The following MYOM1 variants were observed in gnomAD, a reference collection of about 807,000 sequenced individuals.
The protein encoded by MYOM1 is myomesin 1, also known as myomesin-1.
MYOM1 carries 164 observed loss-of-function variants against 205.3 expected under a neutral mutation model. That is an observed-to-expected ratio of 0.80 (90% CI 0.70 to 0.91). The LOEUF is 0.91. Ranked by LOEUF, MYOM1 falls within the 40% of genes least tolerant of loss-of-function variation. MYOM1 has a pLI of 0.00. For missense variants in MYOM1, 2,011 were observed against 2,127.3 expected (o/e 0.95, Z 1.08); for synonymous variants, 772 against 789.4 (o/e 0.98, Z 0.37).
Position 3,134,639 on chromosome 18 carries a change from G to T in MYOM1, c.2384+11C>A. On this transcript the variant is annotated intron_variant, in intron 16 of 37. Coordinates refer to ENST00000356443, the MANE Select transcript of MYOM1 (RefSeq NM_003803.4). The stretch of plus-strand genomic sequence containing the variant: ...AGGCCATTGCCCGCCCTGCACACCC[G>T]ACTGAGTTACCGTGAGCCCTTCACG... 1.2e-6 allele frequency: 2 copies of T among 1,603,518 alleles called. No individual in the cohort carries two copies. Among genetic ancestry groups the T allele is most frequent in the South Asian group, 2.2e-5 (2 of 90,280 alleles).
chr18:3,164,172 C>T lies in MYOM1; in HGVS notation c.1501+106G>A, dbSNP rs1049003864. ...GCACCCTGCCAGAATTTTGAAATGA[C>T]TCTTCCATCATTATGAAACATGTTT... On this transcript the variant is annotated intron_variant, in intron 10 of 37. Coordinates refer to ENST00000356443, the MANE Select transcript of MYOM1 (RefSeq NM_003803.4). 4.0e-6 allele frequency: 5 copies of T among 1,263,174 alleles called. No individual in the cohort carries two copies. In the African/African-American group the frequency reaches 7.5e-5, roughly 19 times the overall value. 78.2% of individuals were successfully genotyped at this position (1,263,174 alleles called of 1,614,324 possible).
chr18:3,093,146 C>G (rs896496333), intron 26 of MYOM1, among the ~76,000 whole-genome samples: 1 of 152,110 alleles, frequency 6.6e-6, no homozygotes, highest in African/African-American at 2.4e-5. Flanking sequence ...TGCATACTCT[C>G]CTAATATTCA....
Position 3,084,255 on chromosome 18 carries a change from C to A in MYOM1, c.4340-228G>T, listed in dbSNP as rs11081003. Among the ~76,000 whole-genome samples the A allele has an allele frequency of 0.68, 102,808 of 151,952 alleles. 36,423 individuals are homozygous for A. The highest frequency in any genetic ancestry group is 0.81 in the Admixed American group (12,336 of 15,264). On this transcript the variant is annotated intron_variant, in intron 31 of 37. Coordinates refer to ENST00000356443, the MANE Select transcript of MYOM1 (RefSeq NM_003803.4). ...ATTTTTTTTCCCTTGAATTCTTTGTCACAATCGCCATATTTACATTCTAGA... is the reference window on the plus strand; with the variant it reads ...ATTTTTTTTCCCTTGAATTCTTTGTAACAATCGCCATATTTACATTCTAGA...
chr18:3,110,329 C>G (rs1367444837), intron 22 of MYOM1, among the ~76,000 whole-genome samples: 1 of 152,144 alleles, frequency 6.6e-6, no homozygotes, highest in East Asian at 1.9e-4. Flanking sequence ...TAGTACTGAG[C>G]TGCCCTGGGT....
intron 9 of MYOM1, 113 bp from the exon 10 acceptor site, chr18:3,164,552 C>A (rs2080442097): frequency 5.8e-6 from 6 of 1,030,028 alleles, no homozygotes; most frequent in Admixed American, 5.8e-5. Flanking sequence ...AATTTAACTA[C>A]TAGAGGAAGT....
At chr18:3,172,634 T>C (rs960276987) in intron 8 of MYOM1, among the ~76,000 whole-genome samples, 1 of 152,064 alleles carries the variant, frequency 6.6e-6, no homozygotes, top group Non-Finnish European at 1.5e-5. Context: ...CTCAGCCTCC[T>C]GAGTAGCTGG....
rs571224442 is a variant in MYOM1 at position 3,140,279 on chromosome 18, C to T, written c.2025+1660G>A. 2.5e-3 allele frequency among the ~76,000 whole-genome samples: 382 copies of T among 151,776 alleles called. 2 individuals are homozygous for T. The highest frequency in any genetic ancestry group is 0.014 in the South Asian group (68 of 4,810). On this transcript the variant is annotated intron_variant, in intron 14 of 37. Coordinates refer to ENST00000356443, the MANE Select transcript of MYOM1 (RefSeq NM_003803.4). ...AAATTTAGCCAGGCGTGGTGGCTCA[C>T]GCCTGTAATCCCAGCTACTAGGGAG...
intron 10 of MYOM1, among the ~76,000 whole-genome samples, chr18:3,160,039 CCTCCTT>C (rs1386877779): frequency 6.7e-6 from 1 of 149,724 alleles, no homozygotes; most frequent in African/African-American, 2.5e-5. Flanking sequence ...TCCTCTTCCT[CCTCCTT>C]CTCCTCCTCC....
intron 14 of MYOM1, among the ~76,000 whole-genome samples, chr18:3,138,732 T>C (rs2080006533): frequency 6.6e-6 from 1 of 152,246 alleles, no homozygotes; most frequent in African/African-American, 2.4e-5. Context: ...GAAAACTTTA[T>C]AAGCCATTAT....
chr18:3,210,709 T>C lies in MYOM1; in HGVS notation c.290+4225A>G, dbSNP rs183010160. The stretch of plus-strand genomic sequence containing the variant: ...GGAAGCACAATGCAAAAACTACATA[T>C]TGATGCTTCAAGGAAAACCCGGTGG... On this transcript the variant is annotated intron_variant, in intron 2 of 37. Transcript: ENST00000356443. Among the ~76,000 whole-genome samples the C allele has an allele frequency of 3.2e-3, 488 of 152,254 alleles. 3 individuals are homozygous for C. The highest frequency in any genetic ancestry group is 0.024 in the Middle Eastern group (7 of 294).
At chr18:3,141,874 G>T in intron 14 of MYOM1, 65 bp downstream of exon 14, 1 of 1,597,330 alleles carries the variant, frequency 6.3e-7, no homozygotes. Context: ...TGGGAATTTA[G>T]CCTCCACTTT....
At chr18:3,075,286 A>G (rs992706151) in intron 36 of MYOM1, among the ~76,000 whole-genome samples, 168 bp downstream of exon 36, 9 of 152,168 alleles carry the variant, frequency 5.9e-5, no homozygotes, top group Non-Finnish European at 1.2e-4. Context: ...TTTCCTAGAT[A>G]TTCTTACTCA....
upstream of MYOM1, chr18:3,220,141 T>C (rs1212389884): frequency 2.6e-5 from 4 of 152,192 alleles, no homozygotes; most frequent in Non-Finnish European, 5.9e-5. Flanking sequence ...AAACCAAATA[T>C]AGGGTTTTTA....
intron 33 of MYOM1, among the ~76,000 whole-genome samples, chr18:3,081,777 A>C (rs2079089066): frequency 6.6e-6 from 1 of 152,238 alleles, no homozygotes; most frequent in Non-Finnish European, 1.5e-5. Context: ...CTACATTGGA[A>C]TTTTACTAAT....
At chr18:3,180,704 T>C (rs2080716825) in intron 5 of MYOM1, among the ~76,000 whole-genome samples, 1 of 152,180 alleles carries the variant, frequency 6.6e-6, no homozygotes, top group South Asian at 2.1e-4. Context: ...GTAATGTCTA[T>C]GAATTGCTAA....
In MYOM1 at chr18:3,071,837, C is replaced by T. The variant is rs781184954; in HGVS notation, c.4761G>A (p.Gly1587=). The T allele has an allele frequency of 3.1e-6, 5 of 1,600,888 alleles. No individual in the cohort carries two copies. The African/African-American group carries it at 5.4e-5, about 17-fold the overall frequency. ...CACAGGCAGGCTTCATGCTTACCTT[C>T]CCCTCCTGGATGGTGACCACGTCTG... is the stretch of plus-strand genomic sequence containing the variant. The part of the protein sequence containing the change: ...GLPDVVTIQE[G]KALNLTCNVW... Residue 1587 remains glycine (G), a synonymous_variant, in exon 37 of 38, where the codon GGG becomes GGA. Coordinates refer to ENST00000356443, the MANE Select transcript of MYOM1 (RefSeq NM_003803.4).
At position 3,152,014 on chromosome 18, in the gene MYOM1, C is replaced by T. The variant is rs2080230186; in HGVS notation, c.1644-121G>A. The T allele has an allele frequency of 3.0e-6, 3 of 991,046 alleles. No individual in the cohort carries two copies. The highest frequency in any genetic ancestry group is 3.6e-5 in the South Asian group (2 of 55,076). 61.4% of individuals were successfully genotyped at this position (991,046 alleles called of 1,614,324 possible). On this transcript the variant is annotated intron_variant, in intron 11 of 37. Transcript: ENST00000356443. This position sits in a 1 kb window ranked among gnomAD's most constrained non-coding sequence, Gnocchi z 4.3. ...CTCCCTATAAAATATCCAAGTCAGG[C>T]GTGGCTCGCTACCTGGTGAACTGCA...
At chr18:3,238,414 A>G in the MYOM1 span, among the ~76,000 whole-genome samples, 1 of 151,564 alleles carries the variant, frequency 6.6e-6, no homozygotes, top group Non-Finnish European at 1.5e-5. Context: ...CCCTGCACTG[A>G]GCTATACAAT....
In MYOM1 at chr18:3,135,875, G is replaced by A. The variant is rs2079951884; in HGVS notation, c.2026-145C>T. 2 of 882,632 alleles carry A rather than the reference G, an allele frequency of 2.3e-6. No individual in the cohort carries two copies. Among genetic ancestry groups the A allele is most frequent in the African/African-American group, 1.7e-5 (1 of 59,096 alleles). The allele number at this position is 882,632 out of a possible 1,614,324, so 54.7% of individuals were successfully genotyped here. On this transcript the variant is annotated intron_variant, in intron 14 of 37. Coordinates refer to ENST00000356443, the MANE Select transcript of MYOM1 (RefSeq NM_003803.4). The surrounding 1 kb of genome is among the most constrained non-coding windows in gnomAD (Gnocchi z 4.1). ...GGAGGAGAGATGAGGAGGAAATAGG[G>A]GATGAGGCATCTGAAGTTCGTAGGA...
Sources: gnomAD v4.1 joint callset for allele counts (sites outside exome capture counted in the v4.1 genomes callset) on GRCh38, gnomAD v4.1.1 for gene constraint, Gnocchi (gnomAD v3.1) non-coding constraint, MANE v1.5 for transcripts, NCBI Gene and HGNC (gene_info 2026-07-23, HGNC 2026-07-21) for gene names.